Variants in SGCZ observed in about 807,000 individuals in gnomAD.
SGCZ encodes sarcoglycan zeta.
SGCZ carries 40 observed loss-of-function variants against 41.3 expected under a neutral mutation model. That is an observed-to-expected ratio of 0.97 (90% CI 0.75 to 1.26). SGCZ has a LOEUF of 1.26. SGCZ is among the 50% of genes most tolerant of loss of function. SGCZ has a pLI of 0.00. For missense variants in SGCZ, 552 were observed against 369.8 expected, an observed-to-expected ratio of 1.49 and a Z score of -4.04; for synonymous variants, 206 against 137.5, an observed-to-expected ratio of 1.50 and a Z score of -3.49.
At chr8:14,291,478 T>C (rs1800840892) in intron 3 of SGCZ, among the ~76,000 whole-genome samples, 1 of 152,042 alleles carries the variant, frequency 6.6e-6, no homozygotes, top group Admixed American at 6.6e-5. Context: ...AATTTATTTG[T>C]GCACTTTTAT....
intron 2 of SGCZ, among the ~76,000 whole-genome samples, chr8:14,344,356 A>T (rs1262671119): frequency 6.6e-6 from 1 of 152,080 alleles, no homozygotes; most frequent in East Asian, 1.9e-4. Context: ...AAAAAGCTAC[A>T]CTATATACAG....
At chr8:14,450,894 C>G (rs1206904359) in intron 2 of SGCZ, among the ~76,000 whole-genome samples, 2 of 152,094 alleles carry the variant, frequency 1.3e-5, no homozygotes, top group African/African-American at 2.4e-5. Context: ...TTTCAAATCC[C>G]TCTAGCAACA....
chr8:14,435,692 T>C (rs193146870), intron 2 of SGCZ, among the ~76,000 whole-genome samples: 1 of 152,330 alleles, frequency 6.6e-6, no homozygotes, highest in African/African-American at 2.4e-5. Flanking sequence ...TGCTGGAATA[T>C]GGTGAAGTGT....
Position 14,085,562 on chromosome 8 carries a change from A to T in SGCZ, c.*4881T>A, listed in dbSNP as rs1801500089. On this transcript the variant is annotated 3_prime_UTR_variant, in exon 8 of 8. Transcript: ENST00000382080. Reference sequence around the variant, plus strand: ...TGCAGAGCCACCTCAGTTAACAATTAAAAAATAGCCCTCTGGTTCTACAAG... The same window carrying T: ...TGCAGAGCCACCTCAGTTAACAATTTAAAAATAGCCCTCTGGTTCTACAAG... Among the ~76,000 whole-genome samples, 1 of 151,828 alleles carries T rather than the reference A, an allele frequency of 6.6e-6. No homozygotes were observed. The highest frequency in any genetic ancestry group is 1.5e-5 in the Non-Finnish European group (1 of 67,832).
At chr8:14,698,717 G>T (rs948141281) in intron 1 of SGCZ, among the ~76,000 whole-genome samples, 1 of 151,906 alleles carries the variant, frequency 6.6e-6, no homozygotes, top group African/African-American at 2.4e-5. Context: ...CTTTAAATCA[G>T]CACAAGTATG....
chr8:14,786,833 CA>C (rs1800781322), intron 1 of SGCZ, among the ~76,000 whole-genome samples: 2 of 115,314 alleles, frequency 1.7e-5, no homozygotes, highest in African/African-American at 7.2e-5. Flanking sequence ...AGTTGGAAAG[CA>C]GGTTTAAAAA....
chr8:14,549,719 A>G (rs563776997), intron 2 of SGCZ, among the ~76,000 whole-genome samples: 2 of 152,234 alleles, frequency 1.3e-5, no homozygotes, highest in Admixed American at 6.6e-5. Flanking sequence ...AGTAAATCCT[A>G]TCACAGGGAT....
At chr8:14,702,956 G>A (rs972532424) in intron 1 of SGCZ, among the ~76,000 whole-genome samples, 3 of 140,806 alleles carry the variant, frequency 2.1e-5, no homozygotes, top group Admixed American at 1.5e-4. Context: ...TAGATAGATA[G>A]ATAGATAGAT....
intron 1 of SGCZ, among the ~76,000 whole-genome samples, chr8:14,951,708 A>G (rs2130836778): frequency 6.6e-6 from 1 of 152,174 alleles, no homozygotes; most frequent in Non-Finnish European, 1.5e-5. Context: ...AAATAGCAAT[A>G]CCCCAAATTT....
At chr8:14,097,503 A>C (rs1801882149) in intron 7 of SGCZ, among the ~76,000 whole-genome samples, 1 of 152,148 alleles carries the variant, frequency 6.6e-6, no homozygotes. Flanking sequence ...GGAGTGTTTT[A>C]CTTCCAATTA....
intron 1 of SGCZ, among the ~76,000 whole-genome samples, chr8:14,918,549 T>C (rs1799504259): frequency 6.6e-6 from 1 of 152,216 alleles, no homozygotes; most frequent in Non-Finnish European, 1.5e-5. Flanking sequence ...TCCAAGGATA[T>C]TTGAGTGTAA....
intron 3 of SGCZ, among the ~76,000 whole-genome samples, chr8:14,245,850 T>G (rs1158033493): frequency 6.6e-6 from 1 of 152,146 alleles, no homozygotes; most frequent in African/African-American, 2.4e-5. Flanking sequence ...GAAAAAATGC[T>G]CATCATCACT....
intron 1 of SGCZ, among the ~76,000 whole-genome samples, chr8:14,849,035 C>T (rs1201304321): frequency 6.6e-6 from 1 of 152,032 alleles, no homozygotes; most frequent in Non-Finnish European, 1.5e-5. Context: ...ACAGATTGTT[C>T]ACCAAATAAG....
chr8:14,962,734 C>T (rs1010236387), intron 1 of SGCZ, among the ~76,000 whole-genome samples: 1 of 152,152 alleles, frequency 6.6e-6, no homozygotes, highest in Admixed American at 6.5e-5. Context: ...AAACAGCATG[C>T]TTAAACATGA....
chr8:15,209,365 G>A (rs961358983), intron 1 of SGCZ, among the ~76,000 whole-genome samples: 14 of 150,566 alleles, frequency 9.3e-5, no homozygotes, highest in Non-Finnish European at 1.6e-4. Context: ...TAAGGCTTCC[G>A]GAATCAAAAA....
intron 4 of SGCZ, among the ~76,000 whole-genome samples, chr8:14,209,583 T>G (rs1169680208): frequency 6.6e-6 from 1 of 152,206 alleles, no homozygotes; most frequent in African/African-American, 2.4e-5. Context: ...AAATTATGTT[T>G]TCGAAGAATA....
At chr8:15,081,894 A>T (rs1352365232) in intron 1 of SGCZ, among the ~76,000 whole-genome samples, 1 of 152,234 alleles carries the variant, frequency 6.6e-6, no homozygotes, top group African/African-American at 2.4e-5. Context: ...CCAAAGTTGA[A>T]CGAGGAAAAA....
intron 1 of SGCZ, among the ~76,000 whole-genome samples, chr8:15,160,787 T>C (rs960241734): frequency 3.3e-5 from 5 of 152,176 alleles, no homozygotes; most frequent in African/African-American, 1.2e-4. Context: ...GGCCACTGCA[T>C]CCTCCCAGGT....
intron 5 of SGCZ, among the ~76,000 whole-genome samples, chr8:14,163,865 CTTG>C (rs2116982941): frequency 6.6e-6 from 1 of 152,184 alleles, no homozygotes; most frequent in African/African-American, 2.4e-5. Context: ...TTATTTTCTT[CTTG>C]TTTTTTAAAA....
Sources: gnomAD v4.1 joint callset for allele counts (sites outside exome capture counted in the v4.1 genomes callset) on GRCh38, gnomAD v4.1.1 for gene constraint, MANE v1.5 for transcripts, NCBI Gene and HGNC (gene_info 2026-07-23, HGNC 2026-07-21) for gene names.